Variants in ETV1 observed in about 807,000 individuals in gnomAD.
The protein encoded by ETV1 is ETS variant transcription factor 1, also known as ETS translocation variant 1.
Under a neutral mutation model 62.3 loss-of-function variants are expected in ETV1, and 27 were observed. That is an observed-to-expected ratio of 0.43 (90% CI 0.32 to 0.60). The LOEUF (loss-of-function observed/expected upper bound fraction) is 0.60. ETV1 is among the 20% of genes least tolerant of loss of function. ETV1 has a pLI of 0.06. For missense variants in ETV1, 605 were observed against 605.8 expected (o/e 1.00, Z 0.01); for synonymous variants, 222 against 199.6 (o/e 1.11, Z -0.94).
intron 9 of ETV1, among the ~76,000 whole-genome samples, chr7:13,929,264 G>A (rs925964411): frequency 2.0e-5 from 3 of 152,080 alleles, no homozygotes; most frequent in Non-Finnish European, 4.4e-5. Context: ...ACCACAATGG[G>A]AATTTCAAGA....
intron 6 of ETV1, among the ~76,000 whole-genome samples, chr7:13,971,842 G>A (rs1407610621): frequency 6.6e-6 from 1 of 152,206 alleles, no homozygotes; most frequent in Non-Finnish European, 1.5e-5. Context: ...CAGGCACAGT[G>A]GCTCACACCT....
intron 3 of ETV1, chr7:13,988,394 G>T (rs992130990): frequency 5.2e-6 from 3 of 581,880 alleles, no homozygotes; most frequent in Non-Finnish European, 9.0e-6. Flanking sequence ...TTGCTTCCCA[G>T]TGCCGATCTT....
chr7:13,956,025 T>C (rs976748446), intron 6 of ETV1, among the ~76,000 whole-genome samples: 1 of 152,172 alleles, frequency 6.6e-6, no homozygotes, highest in African/African-American at 2.4e-5. Context: ...GCTTGTTAAA[T>C]CTGATTTCAA....
At chr7:13,922,527 C>T (rs763255231) in intron 9 of ETV1, among the ~76,000 whole-genome samples, 6 of 152,120 alleles carry the variant, frequency 3.9e-5, no homozygotes, top group Non-Finnish European at 7.4e-5. Context: ...GGGAGAATTG[C>T]TTGAGGCCAA....
chr7:13,918,910 C>A (rs111515018), intron 9 of ETV1, among the ~76,000 whole-genome samples: 1 of 149,626 alleles, frequency 6.7e-6, no homozygotes, highest in East Asian at 1.9e-4. Flanking sequence ...AAGACTGTTT[C>A]TCTTGCTGGA....
chr7:13,975,480 G>A (rs943864823), intron 6 of ETV1, among the ~76,000 whole-genome samples: 3 of 147,926 alleles, frequency 2.0e-5, no homozygotes, highest in Non-Finnish European at 4.5e-5. Flanking sequence ...GGAGAATGGT[G>A]TGAACCCGGG....
At chr7:13,966,322 A>C (rs1183459131) in intron 6 of ETV1, among the ~76,000 whole-genome samples, 7 of 152,132 alleles carry the variant, frequency 4.6e-5, no homozygotes, top group Admixed American at 3.3e-4. Flanking sequence ...TGGACAGAGT[A>C]CATTTTGTTA....
At chr7:13,985,004 C>A (rs1347141189) in intron 5 of ETV1, among the ~76,000 whole-genome samples, 2 of 151,370 alleles carry the variant, frequency 1.3e-5, no homozygotes. Context: ...ATTCCAGGAA[C>A]AGAGTTGCTA....
At position 13,979,443 on chromosome 7, in the gene ETV1, TA is replaced by T. The variant is rs564194942; in HGVS notation, c.182-1964del. On this transcript the variant is annotated intron_variant, in intron 5 of 13. Coordinates refer to ENST00000430479, the MANE Select transcript of ETV1 (RefSeq NM_004956.5). Reference sequence around the variant, plus strand: ...CATTCTCTCAGCTATTAACACAACATATTTTTTTGACACTGCAGAAAAAAAT... The same window carrying T: ...CATTCTCTCAGCTATTAACACAACATTTTTTTTGACACTGCAGAAAAAAAT... Among the ~76,000 whole-genome samples the T allele has an allele frequency of 2.5e-3, 373 of 151,952 alleles. 4 individuals carry two copies. The highest frequency in any genetic ancestry group is 7.9e-3 in the African/African-American group (329 of 41,530).
intron 6 of ETV1, among the ~76,000 whole-genome samples, chr7:13,959,829 G>C (rs1789946629): frequency 7.6e-6 from 1 of 132,024 alleles, no homozygotes; most frequent in South Asian, 2.5e-4. Context: ...GTTACAGTGA[G>C]CCAAGATAAC....
chr7:13,913,516 G>A (rs1415774788), intron 9 of ETV1, among the ~76,000 whole-genome samples: 1 of 152,184 alleles, frequency 6.6e-6, no homozygotes, highest in Non-Finnish European at 1.5e-5. Flanking sequence ...ACCACGTGGA[G>A]TAAGTTATGT....
chr7:13,892,604 T>C lies in ETV1; in HGVS notation c.*3262A>G, dbSNP rs1033299797. 2 of 232,472 alleles carry C rather than the reference T, an allele frequency of 8.6e-6. No homozygotes were observed. The highest frequency in any genetic ancestry group is 8.5e-6 in the Non-Finnish European group (1 of 117,656). 14.4% of individuals were successfully genotyped at this position (232,472 alleles called of 1,614,324 possible). A position where few individuals can be genotyped will look rare whatever the true frequency, so the allele number is the denominator to read the frequency against. ...AATCCCTGGGACCTATGAATAATTATCTAGCCAAAGGGACTTGGCACACGT... is the reference window on the plus strand; with the variant it reads ...AATCCCTGGGACCTATGAATAATTACCTAGCCAAAGGGACTTGGCACACGT... On this transcript the variant is annotated 3_prime_UTR_variant, in exon 14 of 14. Transcript: ENST00000430479.
At chr7:13,953,832 T>C (rs1315125691) in intron 6 of ETV1, among the ~76,000 whole-genome samples, 1 of 152,190 alleles carries the variant, frequency 6.6e-6, no homozygotes, top group Non-Finnish European at 1.5e-5. Context: ...AATATATTCC[T>C]TGAAATCCAG....
chr7:13,924,743 A>G (rs376012976), intron 9 of ETV1, among the ~76,000 whole-genome samples: 8 of 152,348 alleles, frequency 5.3e-5, no homozygotes, highest in Non-Finnish European at 8.8e-5. Context: ...GCTTCACAAT[A>G]TATCTGTAAC....
At chr7:13,931,974 G>A (rs1359711715) in intron 8 of ETV1, among the ~76,000 whole-genome samples, 1 of 151,718 alleles carries the variant, frequency 6.6e-6, no homozygotes, top group Non-Finnish European at 1.5e-5. Context: ...CACTGTTGCA[G>A]TATATGAGTT....
At chr7:13,929,665 T>C (rs1209743307) in intron 9 of ETV1, among the ~76,000 whole-genome samples, 1 of 152,094 alleles carries the variant, frequency 6.6e-6, no homozygotes, top group Non-Finnish European at 1.5e-5. Context: ...ATAGGAGCAA[T>C]GTGCTCTGGT....
chr7:13,972,073 G>A (rs1052478279), intron 6 of ETV1, among the ~76,000 whole-genome samples: 1 of 152,006 alleles, frequency 6.6e-6, no homozygotes, highest in Non-Finnish European at 1.5e-5. Context: ...TCGTGCCACT[G>A]CACTCCAGCC....
rs748744876 is a variant in ETV1 at position 13,895,854 on chromosome 7, C to A, written c.*12G>T. On this transcript the variant is annotated 3_prime_UTR_variant, in exon 14 of 14. Transcript: ENST00000430479. ...AAAAGCGCAAAAACGCCCTGCTTGA[C>A]TGTCACTTGTGTTAATACACGTAGC... 6.2e-7 allele frequency: 1 copy of A among 1,602,726 alleles called. No individual in the cohort carries two copies. Among genetic ancestry groups the A allele is most frequent in the East Asian group, 2.2e-5 (1 of 44,696 alleles).
chr7:13,958,838 G>A (rs1288342230), intron 6 of ETV1: 2 of 152,262 alleles, frequency 1.3e-5, no homozygotes, highest in East Asian at 1.9e-4. Flanking sequence ...TTTATAAAGT[G>A]TTTAGAAGAG....
Sources: allele counts gnomAD v4.1 joint callset (sites outside exome capture counted in the v4.1 genomes callset), GRCh38; gene constraint gnomAD v4.1.1; transcripts MANE v1.5; gene names NCBI Gene and HGNC (gene_info 2026-07-23, HGNC 2026-07-21).